The following RALY variants were observed in gnomAD, a reference collection of about 807,000 sequenced individuals.
RALY encodes RALY heterogeneous nuclear ribonucleoprotein.
RALY carries 15 observed loss-of-function variants against 30.7 expected under a neutral mutation model. That is an observed-to-expected ratio of 0.49 (90% CI 0.33 to 0.75). The LOEUF (loss-of-function observed/expected upper bound fraction) is 0.75. RALY is among the 30% of genes least tolerant of loss of function. The pLI is 0.02. For synonymous variants in RALY, 177 were observed against 170.8 expected, an observed-to-expected ratio of 1.04 and a Z score of -0.28; for missense variants, 339 against 414.3, an observed-to-expected ratio of 0.82 and a Z score of 1.58.
chr20:34,076,592 C>CAA lies in RALY; in HGVS notation c.545-107_545-106dup, dbSNP rs1205730636. On this transcript the variant is annotated intron_variant, in intron 6 of 9. Transcript: ENST00000246194. Reference sequence around the variant, plus strand: ...TTTCCTAAGCAGGGAAAAAACAAAACAAAACAAAAAATAACTGCTTTCCTG... The same window carrying CAA: ...TTTCCTAAGCAGGGAAAAAACAAAACAAAAAACAAAAAATAACTGCTTTCCTG... 29 of 1,014,010 alleles carry CAA rather than the reference C, an allele frequency of 2.9e-5. No homozygotes were observed. The East Asian group carries it at 5.7e-4, about 20-fold the overall frequency. The allele number at this position is 1,014,010 out of a possible 1,614,324, so 62.8% of individuals were successfully genotyped here. A position where few individuals can be genotyped will look rare whatever the true frequency, so the allele number is the denominator to read the frequency against.
chr20:34,048,763 G>A (rs1260611382), intron 2 of RALY, among the ~76,000 whole-genome samples: 2 of 150,244 alleles, frequency 1.3e-5, no homozygotes, highest in Non-Finnish European at 3.0e-5. Flanking sequence ...AGCTGAGGCA[G>A]GAGAATGGCG....
chr20:34,012,655 G>A (rs760475239), intron 1 of RALY, among the ~76,000 whole-genome samples: 2 of 152,170 alleles, frequency 1.3e-5, no homozygotes, highest in Non-Finnish European at 2.9e-5. Context: ...GTAAAAAGTA[G>A]GGCATCTAAA....
chr20:34,008,011 A>G (rs947324106), intron 1 of RALY, among the ~76,000 whole-genome samples: 3 of 152,130 alleles, frequency 2.0e-5, no homozygotes, highest in Admixed American at 6.5e-5. Context: ...TTGTGGGACT[A>G]TGGGATCCTT....
intron 1 of RALY, among the ~76,000 whole-genome samples, chr20:34,019,875 A>C (rs2031751528): frequency 6.6e-6 from 1 of 151,926 alleles, no homozygotes; most frequent in Non-Finnish European, 1.5e-5. Flanking sequence ...TCCCGGCTAA[A>C]ACGGTGAAAC....
chr20:34,009,332 G>T (rs531981431), intron 1 of RALY, among the ~76,000 whole-genome samples: 2 of 151,612 alleles, frequency 1.3e-5, no homozygotes, highest in East Asian at 3.9e-4. Context: ...TCTGCCTCCC[G>T]GGTTCAAGTA....
intron 1 of RALY, among the ~76,000 whole-genome samples, chr20:34,027,551 T>C (rs2032090503): frequency 6.6e-6 from 1 of 152,208 alleles, no homozygotes; most frequent in African/African-American, 2.4e-5. Flanking sequence ...TAACATTCTT[T>C]GAACTGTTAG....
chr20:34,076,944 A>G, intron 7 of RALY, 84 bp from the exon 8 acceptor site: 1 of 1,604,910 alleles, frequency 6.2e-7, no homozygotes, highest in Non-Finnish European at 8.5e-7. Flanking sequence ...CACCATGCTG[A>G]GGCCAGCTTC....
At chr20:33,997,662 GT>G in intron 1 of RALY, among the ~76,000 whole-genome samples, 1 of 152,322 alleles carries the variant, frequency 6.6e-6, no homozygotes, top group East Asian at 1.9e-4. Flanking sequence ...CTTGGAGGAT[GT>G]TTATGGATAC....
At chr20:34,038,981 G>A (rs1301698728) in intron 2 of RALY, among the ~76,000 whole-genome samples, 1 of 152,166 alleles carries the variant, frequency 6.6e-6, no homozygotes, top group Non-Finnish European at 1.5e-5. Flanking sequence ...ACCTGGGAAA[G>A]CATTTTATAC....
At chr20:34,015,322 T>G (rs1029888487) in intron 1 of RALY, among the ~76,000 whole-genome samples, 11 of 152,060 alleles carry the variant, frequency 7.2e-5, no homozygotes, top group Non-Finnish European at 1.5e-5. Flanking sequence ...TTGTTTCTTC[T>G]CAATATTTCC....
At chr20:34,071,295 C>CTT (rs869106387) in intron 2 of RALY, among the ~76,000 whole-genome samples, 1 of 144,292 alleles carries the variant, frequency 6.9e-6, no homozygotes, top group Admixed American at 6.9e-5. Flanking sequence ...CTTTTCTTTT[C>CTT]TTTTTTTTTT....
At chr20:34,035,548 G>A (rs939781177) in intron 2 of RALY, among the ~76,000 whole-genome samples, 1 of 151,990 alleles carries the variant, frequency 6.6e-6, no homozygotes, top group Admixed American at 6.6e-5. Context: ...TCCTACATTG[G>A]CTCTTTCCCC....
At chr20:34,063,012 G>A (rs946709790) in intron 2 of RALY, among the ~76,000 whole-genome samples, 1 of 152,190 alleles carries the variant, frequency 6.6e-6, no homozygotes, top group Non-Finnish European at 1.5e-5. Context: ...CAGATACAGG[G>A]CATGCCCAGT....
intron 1 of RALY, among the ~76,000 whole-genome samples, chr20:33,995,378 C>T (rs1242694146): frequency 6.6e-6 from 1 of 152,178 alleles, no homozygotes. Flanking sequence ...CTTGCAGGTT[C>T]TCTGTGTTTA....
At chr20:34,026,449 C>G (rs968329528) in intron 1 of RALY, among the ~76,000 whole-genome samples, 1 of 151,890 alleles carries the variant, frequency 6.6e-6, no homozygotes, top group Admixed American at 6.6e-5. Flanking sequence ...GTCGCCCATG[C>G]TGGAGTGCAG....
At chr20:34,058,937 C>G (rs955459114) in intron 2 of RALY, among the ~76,000 whole-genome samples, 1 of 152,102 alleles carries the variant, frequency 6.6e-6, no homozygotes, top group Non-Finnish European at 1.5e-5. Flanking sequence ...CTTGATTGAT[C>G]ACACAGGAAG....
intron 1 of RALY, among the ~76,000 whole-genome samples, chr20:34,002,568 A>C (rs543214689): frequency 6.6e-6 from 1 of 152,354 alleles, no homozygotes; most frequent in East Asian, 1.9e-4. Flanking sequence ...TGGCTGTATC[A>C]GTAGACAAGG....
At chr20:34,076,569 TC>T in intron 6 of RALY, 132 bp from the exon 7 acceptor site, 7 of 748,308 alleles carry the variant, frequency 9.4e-6, no homozygotes, top group Non-Finnish European at 1.5e-5. Flanking sequence ...GAGACCTTTT[TC>T]CTAAGCAGGG....
intron 1 of RALY, among the ~76,000 whole-genome samples, chr20:34,027,845 G>A (rs79730209): frequency 8.1e-4 from 124 of 152,310 alleles, no homozygotes; most frequent in African/African-American, 2.6e-3. Flanking sequence ...TTCCTCACCT[G>A]TTACCACATT....
Sources: gnomAD v4.1 joint callset for allele counts (sites outside exome capture counted in the v4.1 genomes callset) on GRCh38, gnomAD v4.1.1 for gene constraint, MANE v1.5 for transcripts, NCBI Gene and HGNC (gene_info 2026-07-23, HGNC 2026-07-21) for gene names.